The following FSTL5 variants were observed in gnomAD, a reference collection of about 807,000 sequenced individuals.
FSTL5 encodes follistatin-related protein 5.
Under a neutral mutation model 89.1 loss-of-function variants are expected in FSTL5, and 62 were observed. That is an observed-to-expected ratio of 0.70 (90% CI 0.57 to 0.86). FSTL5 has a LOEUF of 0.86. FSTL5 is among the 40% of genes least tolerant of loss of function. FSTL5 has a pLI of 0.00. For synonymous variants in FSTL5, 383 were observed against 346.2 expected, an observed-to-expected ratio of 1.11 and a Z score of -1.18; for missense variants, 1,057 against 1,001.6, an observed-to-expected ratio of 1.06 and a Z score of -0.75.
intron 4 of FSTL5, among the ~76,000 whole-genome samples, chr4:161,872,374 T>TTGAG (rs1732303869): frequency 6.6e-6 from 1 of 152,164 alleles, no homozygotes; most frequent in Non-Finnish European, 1.5e-5. Context: ...ATAAAATATA[T>TTGAG]TGAGTTTTAG....
chr4:161,643,026 A>C (rs1195661256), intron 7 of FSTL5, among the ~76,000 whole-genome samples: 1 of 152,164 alleles, frequency 6.6e-6, no homozygotes, highest in Non-Finnish European at 1.5e-5. Flanking sequence ...TATGGGTATA[A>C]ACATGTTGGT....
intron 6 of FSTL5, among the ~76,000 whole-genome samples, chr4:161,728,821 T>C (rs1429404816): frequency 1.3e-5 from 2 of 152,154 alleles, no homozygotes; most frequent in South Asian, 4.1e-4. Context: ...GATCTCCCAA[T>C]GAAAATTTTC....
intron 2 of FSTL5, among the ~76,000 whole-genome samples, chr4:162,105,824 C>T (rs1731204764): frequency 6.6e-6 from 1 of 152,108 alleles, no homozygotes; most frequent in South Asian, 2.1e-4. Context: ...CTGCAAAATA[C>T]ATTAACATTT....
intron 4 of FSTL5, among the ~76,000 whole-genome samples, chr4:161,835,152 A>G (rs1313721990): frequency 6.7e-6 from 1 of 150,226 alleles, no homozygotes; most frequent in Non-Finnish European, 1.5e-5. Context: ...AACGCTGCAT[A>G]TCTACAACTA....
At chr4:161,833,949 G>A (rs894455527) in intron 4 of FSTL5, among the ~76,000 whole-genome samples, 49 of 152,098 alleles carry the variant, frequency 3.2e-4, no homozygotes, top group African/African-American at 4.1e-4. Context: ...TATTTTGCTC[G>A]TTAGTTGATG....
intron 4 of FSTL5, among the ~76,000 whole-genome samples, chr4:161,793,742 G>A (rs1299490278): frequency 1.3e-5 from 2 of 151,948 alleles, no homozygotes. Context: ...CAGAGTAGCT[G>A]GGACTACAGG....
intron 15 of FSTL5, among the ~76,000 whole-genome samples, chr4:161,423,473 T>A (rs1258147946): frequency 6.6e-6 from 1 of 152,212 alleles, no homozygotes; most frequent in African/African-American, 2.4e-5. Context: ...TCGTTATGTT[T>A]TTTGAAATGG....
chr4:161,748,154 T>A (rs953751899), intron 6 of FSTL5, among the ~76,000 whole-genome samples: 11 of 152,106 alleles, frequency 7.2e-5, no homozygotes, highest in African/African-American at 2.4e-4. Flanking sequence ...TCAAACTAAT[T>A]ACTTGTATAA....
intron 3 of FSTL5, among the ~76,000 whole-genome samples, chr4:162,006,817 T>C (rs979310931): frequency 3.9e-5 from 6 of 151,982 alleles, no homozygotes; most frequent in Non-Finnish European, 8.8e-5. Flanking sequence ...ACTAATTTTG[T>C]GGTAGATATT....
chr4:161,586,420 C>A (rs887275537), intron 8 of FSTL5, among the ~76,000 whole-genome samples: 2 of 152,082 alleles, frequency 1.3e-5, no homozygotes, highest in Admixed American at 1.3e-4. Context: ...CACCCATATA[C>A]CTGTTTCCTT....
At chr4:161,853,962 A>G (rs1672762206) in intron 4 of FSTL5, among the ~76,000 whole-genome samples, 1 of 152,332 alleles carries the variant, frequency 6.6e-6, no homozygotes, top group South Asian at 2.1e-4. Flanking sequence ...TCTGTTTCAT[A>G]GGCTCAGGTT....
rs767654090 is a variant in FSTL5 at position 161,525,205 on chromosome 4, G to A, written c.1312+12961C>T. Among the ~76,000 whole-genome samples the A allele has an allele frequency of 2.0e-5, 3 of 152,026 alleles. No homozygotes were observed. In the South Asian group the frequency reaches 6.2e-4, roughly 32 times the overall value. Reference sequence around the variant, plus strand: ...CTGCACTCAACTTTCTTTCTGAAAGGACTTCAAGACTTTCTAAAAATAGAG... The same window carrying A: ...CTGCACTCAACTTTCTTTCTGAAAGAACTTCAAGACTTTCTAAAAATAGAG... On this transcript the variant is annotated intron_variant, in intron 10 of 15. Transcript: ENST00000306100.
intron 2 of FSTL5, among the ~76,000 whole-genome samples, chr4:162,045,163 T>C (rs6823250): frequency 0.094 from 14,351 of 152,188 alleles, 772 homozygotes; most frequent in Non-Finnish European, 0.12. Context: ...CATTTCTAGC[T>C]TTTGATTTAA....
At chr4:161,394,854 C>CT (rs1261699040) in intron 15 of FSTL5, among the ~76,000 whole-genome samples, 31 of 152,074 alleles carry the variant, frequency 2.0e-4, no homozygotes, top group African/African-American at 6.3e-4. Context: ...TTGTGTTTTG[C>CT]TTTTAGGGTC....
At chr4:161,529,402 C>G (rs1578901989) in intron 10 of FSTL5, among the ~76,000 whole-genome samples, 1 of 142,272 alleles carries the variant, frequency 7.0e-6, no homozygotes. Flanking sequence ...AATTGAGAAG[C>G]ATGAATATTG....
intron 4 of FSTL5, among the ~76,000 whole-genome samples, chr4:161,894,772 A>G (rs1247218333): frequency 6.6e-6 from 1 of 152,130 alleles, no homozygotes; most frequent in Non-Finnish European, 1.5e-5. Flanking sequence ...GCCCAGTCAA[A>G]ATGTTTTTAT....
chr4:161,799,693 C>A (rs1258832830), intron 4 of FSTL5, among the ~76,000 whole-genome samples: 1 of 151,558 alleles, frequency 6.6e-6, no homozygotes. Flanking sequence ...TATATTTATT[C>A]ATCATTACCA....
chr4:161,562,870 A>G (rs1360314978), intron 8 of FSTL5, among the ~76,000 whole-genome samples: 1 of 152,006 alleles, frequency 6.6e-6, no homozygotes. Flanking sequence ...GACTCCTGAA[A>G]GTACCTCATA....
Position 161,987,472 on chromosome 4 carries a change from A to G in FSTL5, c.160+46153T>C, listed in dbSNP as rs543335230. On this transcript the variant is annotated intron_variant, in intron 3 of 15. Transcript: ENST00000306100. ...AACAGCTCACTTTATATATATATGT[A>G]TATATATATATATACATACATATAT... 2.3e-3 allele frequency among the ~76,000 whole-genome samples: 325 copies of G among 142,678 alleles called. 2 individuals carry two copies. The highest frequency in any genetic ancestry group is 8.2e-3 in the African/African-American group (307 of 37,490). The allele number at this position is 142,678 out of a possible 152,430, so 93.6% of individuals were successfully genotyped here. A position where few individuals can be genotyped will look rare whatever the true frequency, so the allele number is the denominator to read the frequency against.
Sources: allele counts gnomAD v4.1 joint callset (sites outside exome capture counted in the v4.1 genomes callset), GRCh38; gene constraint gnomAD v4.1.1; transcripts MANE v1.5; gene names NCBI Gene and HGNC (gene_info 2026-07-23, HGNC 2026-07-21).